MVB12A: variants seen among roughly 807,000 people sequenced by gnomAD.
MVB12A encodes the protein multivesicular body subunit 12A.
A neutral mutation model predicts 34.3 loss-of-function variants in MVB12A; 30 were observed. The ratio of observed to expected loss-of-function variants is 0.88; its 90% CI spans 0.65 to 1.19. The LOEUF is 1.19. Among genes scored for constraint, MVB12A ranks in the 50% most tolerant of loss-of-function variants. MVB12A has a pLI of 0.00. For missense variants in MVB12A, 355 were observed against 369.2 expected (o/e 0.96, Z 0.31); for synonymous variants, 158 against 158.9 (o/e 0.99, Z 0.04).
intron 2 of MVB12A, among the ~76,000 whole-genome samples, chr19:17,410,529 T>TACAC (rs1185077317): frequency 1.5e-4 from 11 of 74,434 alleles, no homozygotes; most frequent in South Asian, 1.1e-3. Context: ...TATATATATA[T>TACAC]ACACACACAC....
intron 3 of MVB12A, among the ~76,000 whole-genome samples, chr19:17,421,707 T>A (rs1474484224): frequency 1.3e-5 from 2 of 151,866 alleles, no homozygotes; most frequent in Non-Finnish European, 2.9e-5. Context: ...TTTGGGAGCC[T>A]GAGGCGGGCA....
At position 17,412,242 on chromosome 19, in the gene MVB12A, TTC is replaced by T. The variant is rs762351690; in HGVS notation, c.-5+5948_-5+5949del. Reference sequence around the variant, plus strand: ...GCTCCTTTCCCTCGGGCCTCTGCTTTTCTTTCTCTCTCTTTTGCTCTTTCTCT... The same window carrying T: ...GCTCCTTTCCCTCGGGCCTCTGCTTTTTTCTCTCTCTTTTGCTCTTTCTCT... On this transcript the variant is annotated intron_variant, in intron 2 of 6. Coordinates refer to the MVB12A transcript ENST00000528604. 9.6e-4 allele frequency among the ~76,000 whole-genome samples: 146 copies of T among 152,224 alleles called. 1 individual carries two copies. Among genetic ancestry groups the T allele is most frequent in the South Asian group, 1.7e-3 (8 of 4,820 alleles).
At chr19:17,407,324 G>C (rs1462811657) in intron 2 of MVB12A, among the ~76,000 whole-genome samples, 2 of 152,196 alleles carry the variant, frequency 1.3e-5, no homozygotes, top group Non-Finnish European at 2.9e-5. Flanking sequence ...ACAAGACGAA[G>C]AGATAAAAGA....
At chr19:17,410,555 C>CACATATATAT (rs1367622759) in intron 2 of MVB12A, among the ~76,000 whole-genome samples, 6 of 129,382 alleles carry the variant, frequency 4.6e-5, no homozygotes, top group South Asian at 2.4e-4. Flanking sequence ...TATATACACA[C>CACATATATAT]ACATATATAT....
intron 4 of MVB12A, 137 bp from the exon 5 acceptor site, chr19:17,423,360 CA>C (rs375399762): frequency 0.23 from 201,941 of 877,294 alleles, 232 homozygotes; most frequent in Middle Eastern, 0.25. Flanking sequence ...ACTCCGTCCC[CA>C]AAAAAAAAAA....
intron 3 of MVB12A, among the ~76,000 whole-genome samples, chr19:17,421,586 A>G (rs118096150): frequency 0.016 from 2,499 of 152,278 alleles, 37 homozygotes; most frequent in Non-Finnish European, 0.026. Context: ...TGTTTTGCAT[A>G]TTCAATTTTT....
In MVB12A at chr19:17,410,497, CATATATATATATATATAT is replaced by C. The variant is rs373127253; in HGVS notation, c.-5+4217_-5+4234del. Among the ~76,000 whole-genome samples, 21 of 77,626 alleles carry C rather than the reference CATATATATATATATATAT, an allele frequency of 2.7e-4. 1 individual carries two copies. Among genetic ancestry groups the C allele is most frequent in the South Asian group, 1.0e-3 (2 of 1,958 alleles). 50.9% of individuals were successfully genotyped at this position (77,626 alleles called of 152,430 possible). On this transcript the variant is annotated intron_variant, in intron 2 of 6. Coordinates refer to the MVB12A transcript ENST00000528604. ...GCTAGCATTCTTTTGGTTTTAGCTTCATATATATATATATATATATATATATATATATACACACACACA... is the reference window on the plus strand; with the variant it reads ...GCTAGCATTCTTTTGGTTTTAGCTTCATATATATATATATACACACACACA...
At chr19:17,412,496 G>A in intron 2 of MVB12A, among the ~76,000 whole-genome samples, 1 of 151,994 alleles carries the variant, frequency 6.6e-6, no homozygotes, top group South Asian at 2.1e-4. Flanking sequence ...CAAACTCCTG[G>A]CTTCAAGTGT....
In MVB12A at chr19:17,420,387, C is replaced by T. The variant is rs201170099; in HGVS notation, c.165C>T (p.Cys55=). 6.2e-7 allele frequency: 1 copy of T among 1,613,976 alleles called. No homozygotes were observed. The highest frequency in any genetic ancestry group is 1.3e-5 in the African/African-American group (1 of 75,060). ...SFAQKSGYFL[C]LSSLGSLENP... ...CGCAGAAATCTGGCTACTTCCTGTG[C>T]CTTAGTTCTCTGGGCAGCCTAGAGG... The change falls in exon 2 of 9, where the codon TGC becomes TGT. Residue 55 remains cysteine (C), a synonymous_variant. Coordinates refer to ENST00000317040, the MANE Select transcript of MVB12A (RefSeq NM_138401.4).
At chr19:17,412,591 G>A (rs1165479671) in intron 2 of MVB12A, among the ~76,000 whole-genome samples, 1 of 152,156 alleles carries the variant, frequency 6.6e-6, no homozygotes, top group Non-Finnish European at 1.5e-5. Flanking sequence ...TATAGCGGGG[G>A]TGTGATAACA....
chr19:17,420,072 C>A lies in MVB12A; in HGVS notation c.-64C>A. ...GTAGTTCGGTCGCGAGCGCTGCCGT[C>A]GGGAGGCGCTCCGAGGTTCGAGGCT... On this transcript the variant is annotated 5_prime_UTR_variant, in exon 1 of 9. Coordinates refer to ENST00000317040, the MANE Select transcript of MVB12A (RefSeq NM_138401.4). 1 of 1,061,244 alleles carries A rather than the reference C, an allele frequency of 9.4e-7. No individual in the cohort carries two copies. Among genetic ancestry groups the A allele is most frequent in the South Asian group, 3.0e-5 (1 of 33,686 alleles). The allele number at this position is 1,061,244 out of a possible 1,614,324, so 65.7% of individuals were successfully genotyped here.
At chr19:17,423,639 T>C in intron 5 of MVB12A, 22 bp downstream of exon 5, 1 of 1,613,226 alleles carries the variant, frequency 6.2e-7, no homozygotes, top group Non-Finnish European at 8.5e-7. Flanking sequence ...GGCACCGGAG[T>C]GGGGGTGGCC....
At chr19:17,424,705 G>T (rs771958252) in intron 8 of MVB12A, 28 bp downstream of exon 8, 1 of 1,590,084 alleles carries the variant, frequency 6.3e-7, no homozygotes, top group Non-Finnish European at 8.6e-7. Context: ...GAGGAGGTGG[G>T]TGCAGGGCTA....
rs778933470 is a variant in MVB12A at position 17,420,287 on chromosome 19, G to T, written c.91-26G>T. Reference sequence around the variant, plus strand: ...GGCAGTCGCTGTGGGGTGGGAGTCCGGCGCTGACCCGCGTCCTCCCGGTAG... The same window carrying T: ...GGCAGTCGCTGTGGGGTGGGAGTCCTGCGCTGACCCGCGTCCTCCCGGTAG... On this transcript the variant is annotated intron_variant, in intron 1 of 8. Coordinates refer to ENST00000317040, the MANE Select transcript of MVB12A (RefSeq NM_138401.4). The T allele has an allele frequency of 1.9e-6, 3 of 1,568,342 alleles. No individual in the cohort carries two copies. In the Admixed American group the frequency reaches 5.9e-5, roughly 31 times the overall value.
At chr19:17,417,213 C>CTTTTTTTTTTTT (rs35583565), upstream of MVB12A, 23 of 96,564 alleles carry the variant, frequency 2.4e-4, 4 homozygotes, top group African/African-American at 8.3e-4. Context: ...TCACCCAGAG[C>CTTTTTTTTTTTT]TTTTTTTTTT....
At chr19:17,410,609 T>TATATATATACACAC (rs2074763240) in intron 2 of MVB12A, among the ~76,000 whole-genome samples, 2 of 141,952 alleles carry the variant, frequency 1.4e-5, no homozygotes, top group African/African-American at 2.6e-5. Context: ...TATATACACA[T>TATATATATACACAC]ATATATATAT....
At chr19:17,423,649 C>T (rs369406314) in intron 5 of MVB12A, 32 bp downstream of exon 5, 8 of 1,613,250 alleles carry the variant, frequency 5.0e-6, no homozygotes, top group Non-Finnish European at 5.9e-6. Context: ...TGGGGGTGGC[C>T]GTTGTGGGAG....
chr19:17,409,548 A>G (rs2074750883), intron 2 of MVB12A, among the ~76,000 whole-genome samples: 1 of 148,938 alleles, frequency 6.7e-6, no homozygotes, highest in South Asian at 2.1e-4. Flanking sequence ...TCCTGGGTTC[A>G]AACAATTCTC....
intron 2 of MVB12A, among the ~76,000 whole-genome samples, chr19:17,408,682 G>A: frequency 1.3e-5 from 2 of 150,994 alleles, no homozygotes; most frequent in East Asian, 3.9e-4. Context: ...CCTGACCTCA[G>A]GTGATCTGTC....
Sources: allele counts gnomAD v4.1 joint callset (sites outside exome capture counted in the v4.1 genomes callset), GRCh38; gene constraint gnomAD v4.1.1; transcripts MANE v1.5; gene names NCBI Gene and HGNC (gene_info 2026-07-23, HGNC 2026-07-21).